The following LRRD1 variants were observed in gnomAD, a reference collection of about 807,000 sequenced individuals.
LRRD1 encodes leucine-rich repeat and death domain-containing protein 1.
Under a neutral mutation model 69.5 loss-of-function variants are expected in LRRD1, and 49 were observed. The observed-to-expected ratio is 0.70, with a 90% CI of 0.56 to 0.89. The LOEUF is 0.89. Among genes scored for constraint, LRRD1 ranks in the 40% least tolerant of loss-of-function variants. The pLI, the probability that LRRD1 is intolerant of heterozygous loss-of-function variation, is 0.00. For synonymous variants in LRRD1, 303 were observed against 338.9 expected (o/e 0.89, Z 1.16); for missense variants, 853 against 956.0 (o/e 0.89, Z 1.42).
intron 1 of LRRD1, among the ~76,000 whole-genome samples, chr7:92,169,911 A>C (rs773811447): frequency 6.6e-6 from 1 of 151,922 alleles, no homozygotes; most frequent in Non-Finnish European, 1.5e-5. Context: ...CTCTACAAAA[A>C]ATAAAAAAAT....
chr7:92,176,032 T>C (rs1282377466), intron 1 of LRRD1, among the ~76,000 whole-genome samples: 1 of 152,240 alleles, frequency 6.6e-6, no homozygotes. Context: ...GAAAGTCCTC[T>C]CACTTTATCC....
downstream of LRRD1, among the ~76,000 whole-genome samples, chr7:92,143,536 G>C (rs1337512099): frequency 2.0e-5 from 3 of 152,188 alleles, no homozygotes; most frequent in Non-Finnish European, 4.4e-5. Flanking sequence ...CTAAGGCCCG[G>C]CGAGAAATTG....
chr7:92,159,405 C>T (rs1788750199), intron 2 of LRRD1, among the ~76,000 whole-genome samples: 1 of 152,014 alleles, frequency 6.6e-6, no homozygotes, highest in Non-Finnish European at 1.5e-5. Flanking sequence ...CATCCAAGTA[C>T]CTCCCCAATC....
chr7:92,173,084 T>C (rs907559531), intron 1 of LRRD1, among the ~76,000 whole-genome samples: 1 of 152,020 alleles, frequency 6.6e-6, no homozygotes, highest in African/African-American at 2.4e-5. Context: ...ACCAAGAACA[T>C]ACAATGGGGA....
rs185558371 is a variant in LRRD1 at position 92,159,151 on chromosome 7, T to C, written c.1970A>G (p.Asp657Gly). 321 of 1,543,416 alleles carry C rather than the reference T, an allele frequency of 2.1e-4. No individual in the cohort carries two copies. The African/African-American group carries it at 4.1e-3, about 20-fold the overall frequency. Residue 657 changes from aspartate to glycine, a missense_variant, in exon 3 of 6, where the codon GAT becomes GGT. Asp to Gly is a moderately conservative substitution (Grantham distance 94). This residue lies in a region of LRRD1 where 739 missense variants were observed against 808.0 expected (regional missense o/e 0.91). Transcript: ENST00000458448. ...LSNMTQLKEL[D>G]ISNNAIREIP... ...CTCTCTGATTGCATTATTTGAGATA[T>C]CAAGTTCTTTAAGTTGAGTCATATT... is the stretch of plus-strand genomic sequence containing the variant.
At chr7:92,178,246 G>A (rs1029922301) in intron 1 of LRRD1, among the ~76,000 whole-genome samples, 6 of 152,150 alleles carry the variant, frequency 3.9e-5, no homozygotes, top group Admixed American at 6.5e-5. Context: ...CCGGGCGGTG[G>A]AGGTTGCGGT....
At position 92,144,947 on chromosome 7, in the gene LRRD1, A is replaced by T; in HGVS notation, c.2524T>A (p.Tyr842Asn). 2 of 1,541,854 alleles carry T rather than the reference A, an allele frequency of 1.3e-6. No homozygotes were observed. The highest frequency in any genetic ancestry group is 1.8e-6 in the Non-Finnish European group (2 of 1,140,854). Residue 842 changes from tyrosine to asparagine, a missense_variant, in exon 6 of 6, where the codon TAT (tyrosine) becomes AAT (asparagine). Coordinates refer to ENST00000458448, the MANE Select transcript of LRRD1 (RefSeq NM_001161528.2). ...GCTGTTATTTTGTCCATAATTTCAT[A>T]TGCTCCTATCATAGTTAGTGCTCGA... Reference protein sequence around the residue: ...LIRALTMIGAYEIMDKITALN... With the variant: ...LIRALTMIGANEIMDKITALN...
chr7:92,143,356 G>A (rs1052618166), downstream of LRRD1, among the ~76,000 whole-genome samples: 9 of 152,256 alleles, frequency 5.9e-5, no homozygotes, highest in East Asian at 5.8e-4. Context: ...TGTCAATCCC[G>A]CACCGTGTGC....
At chr7:92,161,436 T>A (rs559210817) in intron 2 of LRRD1, among the ~76,000 whole-genome samples, 23 of 152,360 alleles carry the variant, frequency 1.5e-4, no homozygotes, top group African/African-American at 5.5e-4. Flanking sequence ...AGATACGCAA[T>A]TTGGATTCCT....
downstream of LRRD1, among the ~76,000 whole-genome samples, chr7:92,143,921 A>G (rs944053943): frequency 3.9e-5 from 6 of 152,234 alleles, no homozygotes; most frequent in Admixed American, 2.6e-4. Flanking sequence ...ATCAATCATT[A>G]TGGTTAAATG....
Position 92,159,079 on chromosome 7 carries a change from G to GC in LRRD1, c.2041dup (p.Ala681GlyfsTer4). On this transcript the variant is annotated frameshift_variant, in exon 3 of 6. Coordinates refer to ENST00000458448, the MANE Select transcript of LRRD1 (RefSeq NM_001161528.2). LOFTEE classifies it high-confidence loss of function. ...AAGATAACTTATTTGATTATTGTAT[G>GC]CATGTAAACTAACCAAATTTCTCAA... The GC allele has an allele frequency of 1.3e-6, 2 of 1,546,238 alleles. No individual in the cohort carries two copies.
rs1175335370 is a variant in LRRD1, at chr7:92,164,380, T to TA, written c.822dup (p.Thr275TyrfsTer4). On this transcript the variant is annotated frameshift_variant, in exon 2 of 6. Transcript: ENST00000458448. LOFTEE classifies it high-confidence loss of function. ...CTCAAGGTTTTTAAACTAGGCAGAG[T>TA]ATCTGGTATATGTCTTAACTTATTT... 6.5e-7 allele frequency: 1 copy of TA among 1,549,154 alleles called. No individual in the cohort carries two copies. Among genetic ancestry groups the TA allele is most frequent in the African/African-American group, 1.4e-5 (1 of 72,826 alleles).
At chr7:92,145,440 T>TA (rs1820295875) in intron 5 of LRRD1, among the ~76,000 whole-genome samples, 1 of 132,568 alleles carries the variant, frequency 7.5e-6, no homozygotes, top group Non-Finnish European at 1.6e-5. Flanking sequence ...TACTATATGC[T>TA]TTTTTTTTTT....
rs1032133316 is a variant in LRRD1 at position 92,163,675 on chromosome 7, T to C, written c.1528A>G (p.Lys510Glu). 6.7e-7 allele frequency: 1 copy of C among 1,497,032 alleles called. No individual in the cohort carries two copies. Among genetic ancestry groups the C allele is most frequent in the African/African-American group, 1.4e-5 (1 of 70,316 alleles). 92.7% of individuals were successfully genotyped at this position (1,497,032 alleles called of 1,614,324 possible). A position where few individuals can be genotyped will look rare whatever the true frequency, so the allele number is the denominator to read the frequency against. ...CTCAATTCTAAATGAAGCAGTTGTT[T>C]ACTGAAAGATATATCCACAGGTATT... ...SEIPVDISFS[K>E]QLLHLELSEN... The change falls in exon 2 of 6, where the codon AAA (lysine) becomes GAA (glutamate). Residue 510 changes from lysine (K) to glutamate (E), a missense_variant. By Grantham distance (56) the Lys-to-Glu change is moderately conservative. Transcript: ENST00000458448.
In LRRD1 at chr7:92,163,642, TG is replaced by T. The variant is rs1788837307; in HGVS notation, c.1560del (p.Asn520LysfsTer26). On this transcript the variant is annotated frameshift_variant, in exon 2 of 6. Coordinates refer to ENST00000458448, the MANE Select transcript of LRRD1 (RefSeq NM_001161528.2). LOFTEE classifies it high-confidence loss of function. ...KQLLHLELSENKLLIFSEHFC... is the reference protein window; with the variant it reads ...KQLLHLELSEXKLLIFSEHFC... Reference sequence around the variant, plus strand: ...AAGTGCTCAGAAAATATGAGGAGTTTGTTTTCACTCAATTCTAAATGAAGCA... The same window carrying T: ...AAGTGCTCAGAAAATATGAGGAGTTTTTTTCACTCAATTCTAAATGAAGCA... 1.3e-6 allele frequency: 2 copies of T among 1,509,850 alleles called. No individual in the cohort carries two copies. Among genetic ancestry groups the T allele is most frequent in the Non-Finnish European group, 8.8e-7 (1 of 1,131,800 alleles). The allele number at this position is 1,509,850 out of a possible 1,614,324, so 93.5% of individuals were successfully genotyped here.
At position 92,164,439 on chromosome 7, in the gene LRRD1, C is replaced by T; in HGVS notation, c.764G>A (p.Cys255Tyr). 2 of 1,549,728 alleles carry T rather than the reference C, an allele frequency of 1.3e-6. No individual in the cohort carries two copies. The highest frequency in any genetic ancestry group is 8.7e-7 in the Non-Finnish European group (1 of 1,146,346). Residue 255 changes from cysteine to tyrosine, a missense_variant, in exon 2 of 6, where the codon TGT becomes TAT. Physicochemically the swap from Cys to Tyr is radical, Grantham distance 194. This residue lies in a region of LRRD1 where 739 missense variants were observed against 808.0 expected (regional missense o/e 0.91). Coordinates refer to ENST00000458448, the MANE Select transcript of LRRD1 (RefSeq NM_001161528.2). ...ACTTAAAATTTCCAAGTTTCCAAGA[C>T]ATTCTAAGTCAGAAGGAAAATTTTC... is the stretch of plus-strand genomic sequence containing the variant. Reference protein sequence around the residue: ...YIENFPSDLECLGNLEILSLG... With the variant: ...YIENFPSDLEYLGNLEILSLG...
At position 92,169,347 on chromosome 7, in the gene LRRD1, CA is replaced by C. The variant is rs543933057; in HGVS notation, c.-74-4072del. Among the ~76,000 whole-genome samples the C allele has an allele frequency of 2.6e-5, 4 of 151,498 alleles. No individual in the cohort carries two copies. The South Asian group carries it at 8.5e-4, about 32-fold the overall frequency. On this transcript the variant is annotated intron_variant, in intron 1 of 5. Coordinates refer to ENST00000458448, the MANE Select transcript of LRRD1 (RefSeq NM_001161528.2). ...ACAGAGATTGGATAATTTAAAAAAT[CA>C]AACAGAAATGTTGGAACTGAGAGGC...
At chr7:92,171,536 G>A (rs1789056857) in intron 1 of LRRD1, among the ~76,000 whole-genome samples, 1 of 152,044 alleles carries the variant, frequency 6.6e-6, no homozygotes, top group South Asian at 2.1e-4. Flanking sequence ...GTAATAAAAA[G>A]TCTCCCATCC....
At chr7:92,161,810 G>A (rs1584657775) in intron 2 of LRRD1, among the ~76,000 whole-genome samples, 1 of 152,218 alleles carries the variant, frequency 6.6e-6, no homozygotes, top group South Asian at 2.1e-4. Context: ...TATATTGAGT[G>A]TGTGACAACA....
Sources: allele counts gnomAD v4.1 joint callset (sites outside exome capture counted in the v4.1 genomes callset), GRCh38; gene constraint gnomAD v4.1.1; regional missense constraint gnomAD v4.1.1; transcripts MANE v1.5; gene names NCBI Gene and HGNC (gene_info 2026-07-23, HGNC 2026-07-21).